Variants in MGST1 observed in about 807,000 individuals in gnomAD.
MGST1 encodes microsomal glutathione S-transferase 1, also known as glutathione S-transferase 12.
A neutral mutation model predicts 8.9 loss-of-function variants in MGST1; 5 were observed. That is an observed-to-expected ratio of 0.56 (90% CI 0.29 to 1.19). The LOEUF is 1.19. MGST1 is among the 50% of genes most tolerant of loss of function. MGST1 has a pLI of 0.08. For synonymous variants in MGST1, 54 were observed against 67.8 expected (o/e 0.80, Z 1.00); for missense variants, 182 against 187.4 (o/e 0.97, Z 0.17).
At chr12:16,454,400 CCTT>C (rs1479584742) in intron 4 of MGST1, among the ~76,000 whole-genome samples, 13 of 151,862 alleles carry the variant, frequency 8.6e-5, no homozygotes, top group Admixed American at 7.2e-4. Context: ...TATTTCTCCT[CCTT>C]CTAGTGATGA....
chr12:16,401,669 G>T lies in MGST1; in HGVS notation n.778+18065G>T, dbSNP rs927268610. The T allele has an allele frequency of 5.0e-6, 8 of 1,602,430 alleles. No individual in the cohort carries two copies. Among genetic ancestry groups the T allele is most frequent in the Non-Finnish European group, 6.8e-6 (8 of 1,169,390 alleles). On this transcript the variant is annotated intron_variant and non_coding_transcript_variant, in intron 1 of 1. Coordinates refer to the MGST1 transcript ENST00000359720. This position sits in a 1 kb window ranked among gnomAD's most constrained non-coding sequence, Gnocchi z 4.3. ...CCACACTGAACTTGAGATTATAGTT[G>T]CCACCACTCTGAATGATAGGAGGGT...
Position 16,401,303 on chromosome 12 carries a change from C to G in MGST1, n.778+17699C>G. The G allele has an allele frequency of 6.7e-7, 1 of 1,483,864 alleles. No individual in the cohort carries two copies. The highest frequency in any genetic ancestry group is 1.4e-5 in the African/African-American group (1 of 72,342). 91.9% of individuals were successfully genotyped at this position (1,483,864 alleles called of 1,614,324 possible). A position where few individuals can be genotyped will look rare whatever the true frequency, so the allele number is the denominator to read the frequency against. On this transcript the variant is annotated intron_variant and non_coding_transcript_variant, in intron 1 of 1. Coordinates refer to the MGST1 transcript ENST00000359720. This position sits in a 1 kb window ranked among gnomAD's most constrained non-coding sequence, Gnocchi z 4.3. Reference sequence around the variant, plus strand: ...CCCAAACTGATGCTGAAAACCATTCCTGTCTTCAGTTTGTATTGATTTTTA... The same window carrying G: ...CCCAAACTGATGCTGAAAACCATTCGTGTCTTCAGTTTGTATTGATTTTTA...
At chr12:16,419,057 T>C (rs1284911331) in intron 1 of MGST1, among the ~76,000 whole-genome samples, 1 of 152,164 alleles carries the variant, frequency 6.6e-6, no homozygotes, top group Non-Finnish European at 1.5e-5. Context: ...GGCTTCTCCA[T>C]GGCTTTTCAG....
Position 16,497,670 on chromosome 12 carries a change from C to A in MGST1, n.483-91858C>A, listed in dbSNP as rs1194459515. ...CAAATACTTTCTTCAGAAAATTTAG[C>A]CAAATTTAGCCAATTTTCTCTGCTT... On this transcript the variant is annotated intron_variant and non_coding_transcript_variant, in intron 4 of 4. Transcript: ENST00000538857. The surrounding 1 kb of genome is among the most constrained non-coding windows in gnomAD (Gnocchi z 4.4). 6.6e-6 allele frequency among the ~76,000 whole-genome samples: 1 copy of A among 152,098 alleles called. No individual in the cohort carries two copies. Among genetic ancestry groups the A allele is most frequent in the Non-Finnish European group, 1.5e-5 (1 of 68,012 alleles).
chr12:16,543,644 C>A (rs1044985235), intron 4 of MGST1, among the ~76,000 whole-genome samples: 4 of 151,826 alleles, frequency 2.6e-5, no homozygotes, highest in African/African-American at 9.7e-5. Context: ...CAATAAAATG[C>A]TGTAAAGTAG....
chr12:16,566,678 A>ATAATATTAATTATTAT (rs1490624886), intron 4 of MGST1, among the ~76,000 whole-genome samples: 1 of 152,140 alleles, frequency 6.6e-6, no homozygotes, highest in East Asian at 1.9e-4. Context: ...TATTTAGTTC[A>ATAATATTAATTATTAT]GCCTTTGTAA....
chr12:16,456,217 G>A (rs1274502569), intron 4 of MGST1, among the ~76,000 whole-genome samples: 1 of 151,746 alleles, frequency 6.6e-6, no homozygotes, highest in Non-Finnish European at 1.5e-5. Context: ...CTGGAAATAT[G>A]TAGTGTTCCT....
At chr12:16,423,014 G>C (rs1293145422) in intron 1 of MGST1, among the ~76,000 whole-genome samples, 1 of 152,120 alleles carries the variant, frequency 6.6e-6, no homozygotes, top group Non-Finnish European at 1.5e-5. Flanking sequence ...AACTCTAGCA[G>C]CCTTCTTTTC....
chr12:16,562,474 T>C (rs1044519098), intron 4 of MGST1, among the ~76,000 whole-genome samples: 2 of 152,228 alleles, frequency 1.3e-5, no homozygotes, highest in African/African-American at 2.4e-5. Flanking sequence ...GACGTAGTTT[T>C]CCCCCATTTC....
At chr12:16,554,848 C>T (rs1942131743) in intron 4 of MGST1, among the ~76,000 whole-genome samples, 1 of 152,020 alleles carries the variant, frequency 6.6e-6, no homozygotes, top group African/African-American at 2.4e-5. Flanking sequence ...TTAGTAGAGA[C>T]GGGGTTTCAC....
At chr12:16,524,985 C>A (rs1165231817) in intron 4 of MGST1, among the ~76,000 whole-genome samples, 1 of 151,596 alleles carries the variant, frequency 6.6e-6, no homozygotes, top group Admixed American at 6.6e-5. Context: ...TTGCCTTTAT[C>A]TTATGGATGA....
At chr12:16,466,830 CTT>C (rs1941258535) in intron 4 of MGST1, among the ~76,000 whole-genome samples, 1 of 152,142 alleles carries the variant, frequency 6.6e-6, no homozygotes, top group African/African-American at 2.4e-5. Context: ...ACTTTGAACA[CTT>C]TGAAATTTCC....
chr12:16,443,728 C>T (rs984703839), downstream of MGST1, among the ~76,000 whole-genome samples: 4 of 151,788 alleles, frequency 2.6e-5, no homozygotes, highest in Non-Finnish European at 5.9e-5. Context: ...TCTAATTGGC[C>T]AACAGTCTCA....
chr12:16,389,835 G>A lies in MGST1; in HGVS notation n.778+6231G>A, dbSNP rs140508896. ...CTCGGTAGAGGCAAAATAGAGTGAT[G>A]AGAGCCAGAAGCACTGGATCAGGTG... On this transcript the variant is annotated intron_variant and non_coding_transcript_variant, in intron 1 of 1. Coordinates refer to the MGST1 transcript ENST00000359720. This position sits in a 1 kb window ranked among gnomAD's most constrained non-coding sequence, Gnocchi z 4.6. 6.6e-6 allele frequency among the ~76,000 whole-genome samples: 1 copy of A among 152,324 alleles called. No individual in the cohort carries two copies. The highest frequency in any genetic ancestry group is 2.4e-5 in the African/African-American group (1 of 41,570).
At chr12:16,371,280 A>G (rs1940288681) in intron 3 of MGST1, among the ~76,000 whole-genome samples, 1 of 152,136 alleles carries the variant, frequency 6.6e-6, no homozygotes, top group South Asian at 2.1e-4. Flanking sequence ...CAGATAAAAT[A>G]AAAGAAAAAT....
Position 16,497,321 on chromosome 12 carries a change from C to A in MGST1, n.483-92207C>A, listed in dbSNP as rs569353545. ...GGAACAAATAATAGTTCTTTTTAAT[C>A]ATGGAAATGAGGTAGTGTTAATCAA... On this transcript the variant is annotated intron_variant and non_coding_transcript_variant, in intron 4 of 4. Coordinates refer to the MGST1 transcript ENST00000538857. This position sits in a 1 kb window ranked among gnomAD's most constrained non-coding sequence, Gnocchi z 4.4. 6.6e-6 allele frequency among the ~76,000 whole-genome samples: 1 copy of A among 152,150 alleles called. No individual in the cohort carries two copies. Among genetic ancestry groups the A allele is most frequent in the South Asian group, 2.1e-4 (1 of 4,824 alleles).
At chr12:16,405,808 A>G (rs527405410) in intron 1 of MGST1, among the ~76,000 whole-genome samples, 22 of 152,328 alleles carry the variant, frequency 1.4e-4, no homozygotes, top group South Asian at 2.1e-4. Context: ...CTAAAGACAA[A>G]AACAGTAAGA....
chr12:16,576,390 C>A lies in MGST1; in HGVS notation n.483-13138C>A, dbSNP rs942391837. 2.0e-5 allele frequency among the ~76,000 whole-genome samples: 3 copies of A among 152,238 alleles called. No individual in the cohort carries two copies. Among genetic ancestry groups the A allele is most frequent in the Admixed American group, 6.5e-5 (1 of 15,288 alleles). On this transcript the variant is annotated intron_variant and non_coding_transcript_variant, in intron 4 of 4. Transcript: ENST00000538857. The surrounding 1 kb of genome is among the most constrained non-coding windows in gnomAD (Gnocchi z 4.1). ...TTTCACACCTGATGTCCTACCACTC[C>A]TGCCTGCTGAGTTCCTACTAAATCT...
intron 1 of MGST1, among the ~76,000 whole-genome samples, chr12:16,423,282 A>G (rs561570344): frequency 5.9e-5 from 9 of 152,236 alleles, no homozygotes; most frequent in Admixed American, 5.2e-4. Flanking sequence ...GTCAACTCAG[A>G]CCTGGCATGT....
Sources: gnomAD v4.1 joint callset for allele counts (sites outside exome capture counted in the v4.1 genomes callset) on GRCh38, gnomAD v4.1.1 for gene constraint, Gnocchi (gnomAD v3.1) non-coding constraint, MANE v1.5 for transcripts, NCBI Gene and HGNC (gene_info 2026-07-23, HGNC 2026-07-21) for gene names.